Variants in SOX6 observed in about 807,000 individuals in gnomAD.
SOX6 encodes the protein transcription factor SOX-6.
SOX6 carries 11 observed loss-of-function variants against 97.8 expected under a neutral mutation model. That is an observed-to-expected ratio of 0.11 (90% confidence interval 0.07 to 0.19). The LOEUF (loss-of-function observed/expected upper bound fraction) is 0.19. Ranked by LOEUF, SOX6 falls within the 10% of genes least tolerant of loss-of-function variation. SOX6 has a pLI of 1.00. For missense variants in SOX6, 810 were observed against 1,039.5 expected (o/e 0.78, Z 3.04); for synonymous variants, 360 against 371.4 (o/e 0.97, Z 0.35).
At chr11:16,241,130 T>C (rs1479548622) in intron 3 of SOX6, among the ~76,000 whole-genome samples, 1 of 152,098 alleles carries the variant, frequency 6.6e-6, no homozygotes, top group Non-Finnish European at 1.5e-5. Flanking sequence ...CAATTCTTTT[T>C]CCATAATGCT....
At chr11:16,116,338 G>A (rs1169406768) in intron 6 of SOX6, among the ~76,000 whole-genome samples, 1 of 152,040 alleles carries the variant, frequency 6.6e-6, no homozygotes, top group Non-Finnish European at 1.5e-5. Context: ...CTTATTTAAT[G>A]AGAAAAACAA....
At chr11:16,114,191 T>C (rs920418214) in intron 6 of SOX6, among the ~76,000 whole-genome samples, 10 of 152,190 alleles carry the variant, frequency 6.6e-5, no homozygotes, top group Non-Finnish European at 1.2e-4. Flanking sequence ...ATTAATACGA[T>C]AGTGTGATTA....
intron 3 of SOX6, among the ~76,000 whole-genome samples, chr11:16,293,837 C>T (rs1854987519): frequency 6.6e-6 from 1 of 151,914 alleles, no homozygotes; most frequent in South Asian, 2.1e-4. Context: ...TGGGGGTCAC[C>T]GCAGTGAGAG....
chr11:16,618,006 A>G (rs1319388848), intron 3 of SOX6, among the ~76,000 whole-genome samples: 2 of 151,914 alleles, frequency 1.3e-5, no homozygotes, highest in Non-Finnish European at 3.0e-5. Flanking sequence ...TAATATTTTT[A>G]AAGTAATTAT....
chr11:16,485,866 C>G (rs1485552048), intron 4 of SOX6, among the ~76,000 whole-genome samples: 1 of 142,924 alleles, frequency 7.0e-6, no homozygotes, highest in Non-Finnish European at 1.5e-5. Flanking sequence ...TGCATTCTAT[C>G]CTGGGCAACA....
intron 1 of SOX6, among the ~76,000 whole-genome samples, chr11:16,351,955 T>C (rs1318038273): frequency 1.3e-5 from 2 of 152,064 alleles, no homozygotes; most frequent in East Asian, 3.9e-4. Flanking sequence ...AGAACAATGT[T>C]TTGTGAAAAG....
chr11:16,283,785 C>G (rs990094790), intron 3 of SOX6: 1 of 271,572 alleles, frequency 3.7e-6, no homozygotes, highest in Non-Finnish European at 7.2e-6. Context: ...AGAGAGGAAA[C>G]TCTATTCAAT....
In SOX6 at chr11:16,015,710, T is replaced by C. The variant is rs1274919015; in HGVS notation, c.1624-660A>G. 2.6e-5 allele frequency among the ~76,000 whole-genome samples: 4 copies of C among 151,910 alleles called. No homozygotes were observed. In the East Asian group the frequency reaches 7.8e-4, roughly 30 times the overall value. ...ACTTGTTCACCAGTTCTTCTAGGAG[T>C]AGGAGTCTGAAGCACCACAGTGAAC... On this transcript the variant is annotated intron_variant, in intron 12 of 15. Coordinates refer to ENST00000683767, the MANE Select transcript of SOX6 (RefSeq NM_001367873.1).
intron 3 of SOX6, among the ~76,000 whole-genome samples, chr11:16,669,473 A>G (rs1294103911): frequency 6.6e-6 from 1 of 152,136 alleles, no homozygotes; most frequent in Non-Finnish European, 1.5e-5. Context: ...CCCTACAGAA[A>G]AGTGGCTGGA....
At chr11:16,308,411 G>T (rs2134285448) in intron 3 of SOX6, among the ~76,000 whole-genome samples, 2 of 152,134 alleles carry the variant, frequency 1.3e-5, no homozygotes, top group Middle Eastern at 3.4e-3. Context: ...TATAAATTAA[G>T]AAACTAGTGC....
chr11:16,089,087 TGAAC>T (rs1848631195), intron 9 of SOX6, among the ~76,000 whole-genome samples: 1 of 152,072 alleles, frequency 6.6e-6, no homozygotes. Context: ...CAGTGAGAAA[TGAAC>T]TCAATGCAGT....
chr11:16,344,597 A>AT (rs1856727048), intron 1 of SOX6, among the ~76,000 whole-genome samples: 2 of 151,934 alleles, frequency 1.3e-5, no homozygotes, highest in African/African-American at 4.8e-5. Context: ...GTCATGTGGA[A>AT]TGCTTACATT....
intron 3 of SOX6, among the ~76,000 whole-genome samples, chr11:16,280,206 A>G (rs1854515487): frequency 6.6e-6 from 1 of 152,122 alleles, no homozygotes; most frequent in Non-Finnish European, 1.5e-5. Flanking sequence ...ATGCAGATAC[A>G]GTAATTTTGA....
chr11:16,680,740 A>C (rs534280923), intron 3 of SOX6, among the ~76,000 whole-genome samples: 28 of 152,268 alleles, frequency 1.8e-4, no homozygotes, highest in Non-Finnish European at 3.5e-4. Context: ...CACACATAGG[A>C]TCAAAATAAA....
intron 3 of SOX6, among the ~76,000 whole-genome samples, chr11:16,691,750 T>C (rs979103922): frequency 6.6e-6 from 1 of 152,070 alleles, no homozygotes; most frequent in Non-Finnish European, 1.5e-5. Flanking sequence ...TGAGCCAAGA[T>C]TGCACCACTG....
chr11:15,972,668 T>C lies in SOX6; in HGVS notation c.*141A>G, dbSNP rs1027565119. The stretch of plus-strand genomic sequence containing the variant: ...ATGAAAAATCAGGGAAAACTTAATC[T>C]GTCTCACACTTTACGAAACAATTAA... On this transcript the variant is annotated 3_prime_UTR_variant, in exon 16 of 16. Coordinates refer to ENST00000683767, the MANE Select transcript of SOX6 (RefSeq NM_001367873.1). 1 of 842,156 alleles carries C rather than the reference T, an allele frequency of 1.2e-6. No individual in the cohort carries two copies. The highest frequency in any genetic ancestry group is 1.7e-5 in the African/African-American group (1 of 57,898). The allele number at this position is 842,156 out of a possible 1,614,324, so 52.2% of individuals were successfully genotyped here.
intron 9 of SOX6, among the ~76,000 whole-genome samples, chr11:16,091,576 C>T (rs140400903): frequency 9.2e-5 from 14 of 152,108 alleles, no homozygotes; most frequent in African/African-American, 3.1e-4. Flanking sequence ...ATTTGTAGCA[C>T]AAAAATTGAC....
chr11:15,975,507 A>G (rs1356323195), intron 15 of SOX6, among the ~76,000 whole-genome samples: 1 of 152,208 alleles, frequency 6.6e-6, no homozygotes, highest in African/African-American at 2.4e-5. Flanking sequence ...TTTCACAAAG[A>G]ATAGATGGTC....
chr11:16,438,753 T>C (rs181017803), intron 1 of SOX6, among the ~76,000 whole-genome samples: 8 of 151,850 alleles, frequency 5.3e-5, no homozygotes, highest in Admixed American at 3.9e-4. Context: ...CAGATTTCCC[T>C]TCCTTCCCTA....
Sources: allele counts gnomAD v4.1 joint callset (sites outside exome capture counted in the v4.1 genomes callset), GRCh38; gene constraint gnomAD v4.1.1; transcripts MANE v1.5; gene names NCBI Gene and HGNC (gene_info 2026-07-23, HGNC 2026-07-21).